Variants in FCHSD2 observed in about 807,000 individuals in gnomAD.
FCHSD2 encodes F-BAR and double SH3 domains protein 2.
FCHSD2 carries 38 observed loss-of-function variants against 108.1 expected under a neutral mutation model. The ratio of observed to expected loss-of-function variants is 0.35; its 90% CI spans 0.27 to 0.46. FCHSD2 has a LOEUF of 0.46. FCHSD2 is among the 20% of genes least tolerant of loss of function. The pLI, the probability that FCHSD2 is intolerant of heterozygous loss-of-function variation, is 1.00. For synonymous variants in FCHSD2, 279 were observed against 314.7 expected (o/e 0.89, Z 1.20); for missense variants, 751 against 897.8 (o/e 0.84, Z 2.09).
In FCHSD2 at chr11:73,045,051, C is replaced by T. The variant is rs374057500; in HGVS notation, c.166-29166G>A. ...CTCCACTGCACTCCAGCCTGGGCGA[C>T]AGAGCAAGACTCCATCTCAAAAAAA... On this transcript the variant is annotated intron_variant, in intron 3 of 19. Transcript: ENST00000409418. Among the ~76,000 whole-genome samples the T allele has an allele frequency of 7.1e-5, 10 of 140,636 alleles. No individual in the cohort carries two copies. The East Asian group carries it at 1.9e-3, about 26-fold the overall frequency. The allele number at this position is 140,636 out of a possible 152,430, so 92.3% of individuals were successfully genotyped here.
At chr11:73,098,823 A>C (rs1181282572) in intron 2 of FCHSD2, among the ~76,000 whole-genome samples, 2 of 152,218 alleles carry the variant, frequency 1.3e-5, no homozygotes, top group Non-Finnish European at 2.9e-5. Flanking sequence ...AGGAAAACAC[A>C]GGGGCAATTC....
At position 72,959,001 on chromosome 11, in the gene FCHSD2, G is replaced by GTA. The variant is rs1239743720; in HGVS notation, c.705+25086_705+25087insTA. 4.6e-5 allele frequency among the ~76,000 whole-genome samples: 7 copies of GTA among 150,748 alleles called. No individual in the cohort carries two copies. In the East Asian group the frequency reaches 1.4e-3, roughly 30 times the overall value. On this transcript the variant is annotated intron_variant, in intron 8 of 19. Transcript: ENST00000409418. ...ATACTCATCAGTAAGATATGTGTGTGTGTGTGTGTGTGTGTGTGTGTGTGT... is the reference window on the plus strand; with the variant it reads ...ATACTCATCAGTAAGATATGTGTGTGTATGTGTGTGTGTGTGTGTGTGTGTGT...
At chr11:73,042,839 ATTTC>A (rs2135465323) in intron 3 of FCHSD2, among the ~76,000 whole-genome samples, 1 of 151,728 alleles carries the variant, frequency 6.6e-6, no homozygotes, top group East Asian at 1.9e-4. Context: ...GGCTTTCTTG[ATTTC>A]TTTTTCTGCT....
rs1253261608 is a variant in FCHSD2 at position 73,083,737 on chromosome 11, T to C, written c.123A>G (p.Thr41=). The change falls in exon 3 of 20, where the codon ACA becomes ACG. Residue 41 remains threonine, a synonymous_variant. Transcript: ENST00000409418. Reference sequence around the variant, plus strand: ...CAATAGCAGCCTTCTTCTGACTGAATGTCCTAAAAATACAAAGAAAAATTA... The same window carrying C: ...CAATAGCAGCCTTCTTCTGACTGAACGTCCTAAAAATACAAAGAAAAATTA... ...AECDLLEDMR[T]FSQKKAAIER... is the part of the protein sequence containing the mutation. The C allele has an allele frequency of 1.9e-6, 3 of 1,540,952 alleles. No homozygotes were observed. Among genetic ancestry groups the C allele is most frequent in the Middle Eastern group, 3.3e-4 (2 of 5,982 alleles).
chr11:73,121,615 GACAA>G (rs1385536339), intron 2 of FCHSD2, among the ~76,000 whole-genome samples: 2 of 148,742 alleles, frequency 1.3e-5, no homozygotes, highest in Non-Finnish European at 3.0e-5. Context: ...TAAAGCTTAA[GACAA>G]TAAAGTCTTA....
At chr11:73,090,515 G>A (rs1299132084) in intron 2 of FCHSD2, among the ~76,000 whole-genome samples, 7 of 152,028 alleles carry the variant, frequency 4.6e-5, no homozygotes, top group Admixed American at 1.3e-4. Context: ...GTGAGCCACC[G>A]CGCGCGGCCT....
At chr11:72,907,095 T>C (rs1360690631) in intron 9 of FCHSD2, among the ~76,000 whole-genome samples, 3 of 152,170 alleles carry the variant, frequency 2.0e-5, no homozygotes, top group Non-Finnish European at 4.4e-5. Context: ...GGTATTTTAT[T>C]CACTTTGTAG....
intron 9 of FCHSD2, among the ~76,000 whole-genome samples, chr11:72,921,074 A>C (rs1034413966): frequency 1.6e-5 from 2 of 123,954 alleles, no homozygotes; most frequent in African/African-American, 5.5e-5. Flanking sequence ...TCTCCCTGAC[A>C]AAAAAAAAAA....
chr11:73,080,296 C>CA (rs370633105), intron 3 of FCHSD2, among the ~76,000 whole-genome samples: 1,343 of 51,144 alleles, frequency 0.026, 11 homozygotes, highest in South Asian at 0.055. Context: ...GACCCTGTCT[C>CA]AAAAAAAAAA....
At chr11:72,944,228 T>C (rs1381894678) in intron 8 of FCHSD2, among the ~76,000 whole-genome samples, 2 of 152,208 alleles carry the variant, frequency 1.3e-5, no homozygotes, top group African/African-American at 4.8e-5. Context: ...ATCCCTGGGA[T>C]GCAAGGCTGG....
In FCHSD2 at chr11:73,045,667, A is replaced by G. The variant is rs1455429469; in HGVS notation, c.166-29782T>C. 4.0e-5 allele frequency among the ~76,000 whole-genome samples: 6 copies of G among 151,108 alleles called. No homozygotes were observed. The East Asian group carries it at 9.8e-4, about 25-fold the overall frequency. Reference sequence around the variant, plus strand: ...ATCATTCTCAGTAAACTATCGCAAGAACAAAAAACCAAACACCGCATATTC... The same window carrying G: ...ATCATTCTCAGTAAACTATCGCAAGGACAAAAAACCAAACACCGCATATTC... On this transcript the variant is annotated intron_variant, in intron 3 of 19. Transcript: ENST00000409418.
At position 72,921,963 on chromosome 11, in the gene FCHSD2, A is replaced by C. The variant is rs373042591; in HGVS notation, c.706-13T>G. The C allele has an allele frequency of 3.9e-6, 6 of 1,554,860 alleles. No individual in the cohort carries two copies. The highest frequency in any genetic ancestry group is 5.2e-6 in the Non-Finnish European group (6 of 1,146,850). On this transcript the variant is annotated splice_polypyrimidine_tract_variant and intron_variant, in intron 8 of 19. Transcript: ENST00000409418. ...TTCCATCAAGAGCCTGTAATAGAGG[A>C]GTAAATAAAAGAAAAAAAATTACAG...
chr11:72,889,884 C>T lies in FCHSD2; in HGVS notation c.986G>A (p.Arg329Gln), dbSNP rs1020198544. 28 of 1,613,640 alleles carry T rather than the reference C, an allele frequency of 1.7e-5. No individual in the cohort carries two copies. Among genetic ancestry groups the T allele is most frequent in the Non-Finnish European group, 2.1e-5 (25 of 1,179,718 alleles). Reference sequence around the variant, plus strand: ...ACGTGCCACACGTGTGGCCCATTTTCGAGCTTCCTTATTTAGACTGTGCTC... The same window carrying T: ...ACGTGCCACACGTGTGGCCCATTTTTGAGCTTCCTTATTTAGACTGTGCTC... ...TEEHSLNKEARKWATRVAREH... is the reference protein window; with the variant it reads ...TEEHSLNKEAQKWATRVAREH... Residue 329 changes from arginine to glutamine, a missense_variant, in exon 11 of 20, where the codon CGA becomes CAA. Arg to Gln is a conservative substitution (Grantham distance 43). Coordinates refer to ENST00000409418, the MANE Select transcript of FCHSD2 (RefSeq NM_014824.3).
intron 13 of FCHSD2, among the ~76,000 whole-genome samples, chr11:72,857,831 A>G (rs1472875579): frequency 6.6e-6 from 1 of 152,016 alleles, no homozygotes; most frequent in Non-Finnish European, 1.5e-5. Context: ...TACTCATTAA[A>G]AACACCTCTG....
At chr11:73,112,673 G>A (rs1294249872) in intron 2 of FCHSD2, among the ~76,000 whole-genome samples, 1 of 152,106 alleles carries the variant, frequency 6.6e-6, no homozygotes, top group African/African-American at 2.4e-5. Context: ...TGTTGAGACG[G>A]TGTCTCGCTC....
In FCHSD2 at chr11:73,119,571, C is replaced by G. The variant is rs537701998; in HGVS notation, c.119+20460G>C. Among the ~76,000 whole-genome samples the G allele has an allele frequency of 1.2e-3, 178 of 152,158 alleles. 1 individual carries two copies. Among genetic ancestry groups the G allele is most frequent in the African/African-American group, 4.0e-3 (164 of 41,514 alleles). The stretch of plus-strand genomic sequence containing the variant: ...CCTCAACCTCCTGGGTGCAGCCTCC[C>G]AAGTAGCTGGGACTACAGGCACATG... On this transcript the variant is annotated intron_variant, in intron 2 of 19. Transcript: ENST00000409418.
intron 3 of FCHSD2, among the ~76,000 whole-genome samples, chr11:73,036,419 C>T (rs969959932): frequency 4.6e-5 from 7 of 151,788 alleles, no homozygotes; most frequent in African/African-American, 1.7e-4. Flanking sequence ...GGGTTCAAAT[C>T]CAAGCTCTAC....
At chr11:72,981,654 G>A (rs1007483810) in intron 8 of FCHSD2, among the ~76,000 whole-genome samples, 1 of 152,110 alleles carries the variant, frequency 6.6e-6, no homozygotes, top group African/African-American at 2.4e-5. Flanking sequence ...GTCCTTGTAA[G>A]TCTGAAGCAC....
intron 2 of FCHSD2, among the ~76,000 whole-genome samples, chr11:73,116,312 T>C (rs1413871684): frequency 6.6e-6 from 1 of 152,206 alleles, no homozygotes; most frequent in Non-Finnish European, 1.5e-5. Context: ...TTGACGATAT[T>C]TTTACTTATG....
Sources: allele counts gnomAD v4.1 joint callset (sites outside exome capture counted in the v4.1 genomes callset), GRCh38; gene constraint gnomAD v4.1.1; transcripts MANE v1.5; gene names NCBI Gene and HGNC (gene_info 2026-07-23, HGNC 2026-07-21).